CWF19L2: variants seen among roughly 807,000 people sequenced by gnomAD.
CWF19L2 encodes CWF19 like cell cycle control factor 2, also known as CWF19-like protein 2.
CWF19L2 carries 98 observed loss-of-function variants against 111.7 expected under a neutral mutation model. The observed-to-expected ratio is 0.88, with a 90% confidence interval of 0.75 to 1.04. The LOEUF (loss-of-function observed/expected upper bound fraction) is 1.04, where lower values mean the gene tolerates loss of function less well. Among genes scored for constraint, CWF19L2 ranks in the 50% least tolerant of loss-of-function variants. CWF19L2 has a pLI of 0.00. For missense variants in CWF19L2, 1,101 were observed against 1,051.4 expected, an observed-to-expected ratio of 1.05 and a Z score of -0.65; for synonymous variants, 351 against 342.9, an observed-to-expected ratio of 1.02 and a Z score of -0.26.
rs1032812493 is a variant in CWF19L2 at position 107,331,550 on chromosome 11, G to A, written c.2440-1531C>T. ...CAGGTGGCTTCTAACAGCTAGAAAA[G>A]GCAAAGGAATGGATTCTTTCTAGGG... On this transcript the variant is annotated intron_variant, in intron 16 of 17. Coordinates refer to ENST00000282251, the MANE Select transcript of CWF19L2 (RefSeq NM_152434.3). 1.3e-5 allele frequency among the ~76,000 whole-genome samples: 2 copies of A among 152,296 alleles called. 1 individual carries two copies. Among genetic ancestry groups the A allele is most frequent in the Middle Eastern group, 6.8e-3 (2 of 294 alleles).
At chr11:107,376,034 G>A (rs1251678591) in intron 12 of CWF19L2, among the ~76,000 whole-genome samples, 1 of 122,370 alleles carries the variant, frequency 8.2e-6, no homozygotes, top group Admixed American at 7.9e-5. Context: ...TAAATTCCTC[G>A]ACACATACAC....
At chr11:107,371,012 C>CTTTTTTT (rs577136063) in intron 12 of CWF19L2, among the ~76,000 whole-genome samples, 1 of 100,028 alleles carries the variant, frequency 1.0e-5, no homozygotes, top group South Asian at 3.7e-4. Flanking sequence ...TCTAGTTTCT[C>CTTTTTTT]TTTTTTTTTT....
rs1861424949 is a variant in CWF19L2, at chr11:107,429,164, A to AT, written c.1067dup (p.Asn356LysfsTer12). The AT allele has an allele frequency of 6.2e-7, 1 of 1,613,466 alleles. No individual in the cohort carries two copies. Among genetic ancestry groups the AT allele is most frequent in the Admixed American group, 1.7e-5 (1 of 59,952 alleles). On this transcript the variant is annotated frameshift_variant, in exon 8 of 18. Transcript: ENST00000282251. LOFTEE classifies it high-confidence loss of function. ...TCAAATTGCCAAAAGAAAACTCTTG[A>AT]TTTTGCCTTGGGTTAGATTCTCTTC... is the stretch of plus-strand genomic sequence containing the variant.
At chr11:107,433,880 T>TTATATATATATATATATATA (rs61304388) in intron 6 of CWF19L2, 131 bp from the exon 7 acceptor site, 4 of 122,138 alleles carry the variant, frequency 3.3e-5, no homozygotes, top group South Asian at 3.3e-4. Context: ...CTTTGGAATT[T>TTATATATATATATATATATA]TATATATATA....
chr11:107,327,461 G>C (rs1239583285), intron 17 of CWF19L2, among the ~76,000 whole-genome samples: 1 of 152,152 alleles, frequency 6.6e-6, no homozygotes, highest in African/African-American at 2.4e-5. Flanking sequence ...CCAAGCTAAT[G>C]TTCTCTCTCT....
At chr11:107,342,197 T>G (rs1196646196) in intron 14 of CWF19L2, among the ~76,000 whole-genome samples, 1 of 152,038 alleles carries the variant, frequency 6.6e-6, no homozygotes, top group Non-Finnish European at 1.5e-5. Flanking sequence ...CTCTCGGCAC[T>G]CCCTTAGCTG....
intron 3 of CWF19L2, among the ~76,000 whole-genome samples, chr11:107,444,101 T>TC (rs1565288067): frequency 6.6e-6 from 1 of 151,914 alleles, no homozygotes; most frequent in Non-Finnish European, 1.5e-5. Flanking sequence ...CCACCCTTTT[T>TC]TTTTTTTTTT....
At chr11:107,400,444 T>G (rs1217755544) in intron 10 of CWF19L2, among the ~76,000 whole-genome samples, 1 of 152,070 alleles carries the variant, frequency 6.6e-6, no homozygotes, top group Non-Finnish European at 1.5e-5. Flanking sequence ...CACTTTTATG[T>G]ACATAAACTA....
chr11:107,415,189 CAT>C (rs1861208431), intron 10 of CWF19L2, among the ~76,000 whole-genome samples: 1 of 152,146 alleles, frequency 6.6e-6, no homozygotes, highest in Non-Finnish European at 1.5e-5. Context: ...ACACATCAGA[CAT>C]ATTTCCATCT....
At chr11:107,436,476 T>G (rs1002650089) in intron 6 of CWF19L2, among the ~76,000 whole-genome samples, 2 of 152,164 alleles carry the variant, frequency 1.3e-5, no homozygotes, top group African/African-American at 2.4e-5. Flanking sequence ...AGTGATAAAC[T>G]ATCAGGAAAC....
intron 9 of CWF19L2, among the ~76,000 whole-genome samples, chr11:107,417,737 T>C (rs1478511426): frequency 6.7e-6 from 1 of 149,332 alleles, no homozygotes; most frequent in Non-Finnish European, 1.5e-5. Context: ...TAGATAGTAT[T>C]CTTCACAGAA....
intron 16 of CWF19L2, among the ~76,000 whole-genome samples, chr11:107,331,866 T>C (rs715415): frequency 0.15 from 23,014 of 152,254 alleles, 1,857 homozygotes; most frequent in Non-Finnish European, 0.17. Flanking sequence ...TACAACCTGC[T>C]GCTTGCTAGA....
At position 107,369,986 on chromosome 11, in the gene CWF19L2, C is replaced by T. The variant is rs898628247; in HGVS notation, c.1873-16250G>A. ...TGCAGTGTTGGGATTGTAATATTAG[C>T]TTTTTGACATGGTTAGAAATATATC... On this transcript the variant is annotated intron_variant, in intron 12 of 17. Coordinates refer to ENST00000282251, the MANE Select transcript of CWF19L2 (RefSeq NM_152434.3). 1.4e-4 allele frequency among the ~76,000 whole-genome samples: 19 copies of T among 137,572 alleles called. 4 individuals are homozygous for T. Among genetic ancestry groups the T allele is most frequent in the African/African-American group, 5.5e-4 (19 of 34,572 alleles). The allele number at this position is 137,572 out of a possible 152,430, so 90.3% of individuals were successfully genotyped here. A position where few individuals can be genotyped will look rare whatever the true frequency, so the allele number is the denominator to read the frequency against.
At chr11:107,454,720 T>C (rs1469246930) in intron 2 of CWF19L2, 148 bp from the exon 3 acceptor site, 4 of 463,626 alleles carry the variant, frequency 8.6e-6, no homozygotes. Flanking sequence ...ATAAATAAAA[T>C]CTTTCAGGAA....
chr11:107,427,251 T>G (rs1348278464), intron 8 of CWF19L2, among the ~76,000 whole-genome samples: 1 of 151,842 alleles, frequency 6.6e-6, no homozygotes, highest in East Asian at 1.9e-4. Flanking sequence ...TTCCTAGATT[T>G]TTCTTTCCCT....
At position 107,454,586 on chromosome 11, in the gene CWF19L2, G is replaced by C; in HGVS notation, c.217-14C>G. On this transcript the variant is annotated splice_polypyrimidine_tract_variant and intron_variant, in intron 2 of 17. Transcript: ENST00000282251. ...CACAGAGTGTTCCTACAATCATTTT[G>C]AACAGGCAAGAAAATAATTTAATTT... The C allele has an allele frequency of 7.7e-7, 1 of 1,304,490 alleles. No homozygotes were observed. The highest frequency in any genetic ancestry group is 9.8e-7 in the Non-Finnish European group (1 of 1,023,422). The allele number at this position is 1,304,490 out of a possible 1,614,324, so 80.8% of individuals were successfully genotyped here. A position where few individuals can be genotyped will look rare whatever the true frequency, so the allele number is the denominator to read the frequency against.
At chr11:107,371,760 T>C (rs1860513931) in intron 12 of CWF19L2, among the ~76,000 whole-genome samples, 2 of 137,186 alleles carry the variant, frequency 1.5e-5, no homozygotes, top group South Asian at 4.9e-4. Context: ...AACCTGAAGA[T>C]GACAATTTCT....
chr11:107,356,018 T>TA (rs1212501602), intron 12 of CWF19L2, among the ~76,000 whole-genome samples: 1 of 152,190 alleles, frequency 6.6e-6, no homozygotes, highest in Non-Finnish European at 1.5e-5. Flanking sequence ...AGGATTCTAG[T>TA]AACTTAAAGT....
At chr11:107,407,776 A>C (rs1387393000) in intron 10 of CWF19L2, among the ~76,000 whole-genome samples, 1 of 152,046 alleles carries the variant, frequency 6.6e-6, no homozygotes, top group Non-Finnish European at 1.5e-5. Flanking sequence ...AATCATAACT[A>C]TCCAAAACAA....
Sources: allele counts gnomAD v4.1 joint callset (sites outside exome capture counted in the v4.1 genomes callset), GRCh38; gene constraint gnomAD v4.1.1; transcripts MANE v1.5; gene names NCBI Gene and HGNC (gene_info 2026-07-23, HGNC 2026-07-21).